The following TNFSF14 variants were observed in gnomAD, a reference collection of about 807,000 sequenced individuals.
TNFSF14 encodes tumor necrosis factor ligand superfamily member 14.
In TNFSF14, 15 loss-of-function variants were observed where a neutral mutation model predicts 22.7. The observed-to-expected ratio is 0.66, with a 90% CI of 0.44 to 1.02. TNFSF14 has a LOEUF of 1.02. Among genes scored for constraint, TNFSF14 ranks in the 50% least tolerant of loss-of-function variants. The pLI is 0.00. For missense variants in TNFSF14, 287 were observed against 326.2 expected, an observed-to-expected ratio of 0.88 and a Z score of 0.93; for synonymous variants, 133 against 139.6, an observed-to-expected ratio of 0.95 and a Z score of 0.33.
intron 1 of TNFSF14, 91 bp from the exon 2 acceptor site, chr19:6,667,540 T>C (rs1257625298): frequency 7.1e-7 from 1 of 1,416,778 alleles, no homozygotes; most frequent in Non-Finnish European, 9.4e-7. Flanking sequence ...ATGAGGACCA[T>C]AGCCACCGAC....
At chr19:6,669,610 G>C (rs1917535301) in intron 1 of TNFSF14, among the ~76,000 whole-genome samples, 1 of 152,106 alleles carries the variant, frequency 6.6e-6, no homozygotes, top group Admixed American at 6.5e-5. Flanking sequence ...AGCATACTTC[G>C]TCCCCTATGA....
At chr19:6,668,853 G>A (rs897441812) in intron 1 of TNFSF14, among the ~76,000 whole-genome samples, 2 of 152,260 alleles carry the variant, frequency 1.3e-5, no homozygotes, top group African/African-American at 4.8e-5. Context: ...CATGTGGTTT[G>A]TGGTTTATGG....
Position 6,665,184 on chromosome 19 carries a change from C to A in TNFSF14, c.465G>T (p.Pro155=), listed in dbSNP as rs138891759. ...GGGTGATGGTGCTGGCCAGGCCCAG[C>A]GGGCAGCCCACACCGCCCAGCTGCA... ...SKVQLGGVGC[P]LGLASTITHG... The change falls in exon 4 of 4, where the codon CCG becomes CCT. Residue 155 remains proline, a synonymous_variant. Coordinates refer to ENST00000675206, the MANE Select transcript of TNFSF14 (RefSeq NM_001376887.1). 6.2e-7 allele frequency: 1 copy of A among 1,614,000 alleles called. No homozygotes were observed. Among genetic ancestry groups the A allele is most frequent in the African/African-American group, 1.3e-5 (1 of 74,940 alleles).
intron 1 of TNFSF14, among the ~76,000 whole-genome samples, chr19:6,669,356 G>T (rs1385537024): frequency 6.6e-6 from 1 of 152,110 alleles, no homozygotes; most frequent in Non-Finnish European, 1.5e-5. Context: ...GGTGGCGCAT[G>T]CCTGTAATCC....
rs1917258251 is a variant in TNFSF14 at position 6,662,010 on chromosome 19, C to G, written c.*2916G>C. ...GGAATTTCCCACTTGTGGCATCACA[C>G]TGGGGCTCAAAGAGTTTCAGATTTT... On this transcript the variant is annotated 3_prime_UTR_variant, in exon 4 of 4. Coordinates refer to ENST00000675206, the MANE Select transcript of TNFSF14 (RefSeq NM_001376887.1). The G allele has an allele frequency of 6.6e-6, 1 of 152,222 alleles. No homozygotes were observed. The highest frequency in any genetic ancestry group is 6.6e-5 in the Admixed American group (1 of 15,250). 9.4% of individuals were successfully genotyped at this position (152,222 alleles called of 1,614,324 possible).
chr19:6,667,176 T>G, intron 2 of TNFSF14, 22 bp from the exon 3 acceptor site: 2 of 1,569,862 alleles, frequency 1.3e-6, no homozygotes, highest in Non-Finnish European at 1.7e-6. Context: ...GGGTCAGAGG[T>G]TAGAGACGAA....
intron 3 of TNFSF14, among the ~76,000 whole-genome samples, chr19:6,666,196 C>T (rs1917420996): frequency 6.6e-6 from 1 of 151,638 alleles, no homozygotes; most frequent in South Asian, 2.1e-4. Flanking sequence ...AGTTTGAGTC[C>T]AGGAGTTCCA....
chr19:6,670,243 C>T (rs1207846242), upstream of TNFSF14: 8 of 1,435,560 alleles, frequency 5.6e-6, no homozygotes, highest in African/African-American at 1.4e-5. Context: ...TCTTCCGGTA[C>T]CCGCCGCCCC....
In TNFSF14 at chr19:6,662,267, G is replaced by A. The variant is rs951877622; in HGVS notation, c.*2659C>T. Reference sequence around the variant, plus strand: ...GCTGGTCTGGAGCTCCTGACCTCAGGTTATCCGTCCACTTTGACCTCCCAA... The same window carrying A: ...GCTGGTCTGGAGCTCCTGACCTCAGATTATCCGTCCACTTTGACCTCCCAA... On this transcript the variant is annotated 3_prime_UTR_variant, in exon 4 of 4. Transcript: ENST00000675206. The A allele has an allele frequency of 6.6e-6, 1 of 152,188 alleles. No homozygotes were observed. The highest frequency in any genetic ancestry group is 2.4e-5 in the African/African-American group (1 of 41,426). 9.4% of individuals were successfully genotyped at this position (152,188 alleles called of 1,614,324 possible).
At position 6,665,215 on chromosome 19, in the gene TNFSF14, G is replaced by T; in HGVS notation, c.434C>A (p.Ser145Tyr). The T allele has an allele frequency of 1.2e-6, 2 of 1,614,106 alleles. No individual in the cohort carries two copies. Among genetic ancestry groups the T allele is most frequent in the Non-Finnish European group, 1.7e-6 (2 of 1,180,014 alleles). The stretch of plus-strand genomic sequence containing the variant: ...GCCCACACCGCCCAGCTGCACCTTG[G>T]AGTAGATGTAGTAGTAGCCAGCTTT... ...VTKAGYYYIY[S>Y]KVQLGGVGCP... Residue 145 changes from serine (S) to tyrosine (Y), a missense_variant, in exon 4 of 4, where the codon TCC (serine) becomes TAC (tyrosine). Ser to Tyr is a moderately radical substitution (Grantham distance 144). Coordinates refer to ENST00000675206, the MANE Select transcript of TNFSF14 (RefSeq NM_001376887.1).
upstream of TNFSF14, chr19:6,670,423 C>T (rs1424199467): frequency 1.8e-5 from 7 of 395,832 alleles, no homozygotes; most frequent in East Asian, 7.1e-5. Flanking sequence ...CTGCCCATGC[C>T]AGGCTCTGCT....
At chr19:6,665,704 C>T (rs1043342963) in intron 3 of TNFSF14, among the ~76,000 whole-genome samples, 7 of 152,124 alleles carry the variant, frequency 4.6e-5, no homozygotes, top group African/African-American at 1.4e-4. Context: ...CCACCACGCC[C>T]GGCCTCACAT....
In TNFSF14 at chr19:6,664,134, G is replaced by C. The variant is rs1350105292; in HGVS notation, c.*792C>G. 6.6e-6 allele frequency: 1 copy of C among 152,144 alleles called. No individual in the cohort carries two copies. Among genetic ancestry groups the C allele is most frequent in the Non-Finnish European group, 1.5e-5 (1 of 68,074 alleles). 9.4% of individuals were successfully genotyped at this position (152,144 alleles called of 1,614,324 possible). A position where few individuals can be genotyped will look rare whatever the true frequency, so the allele number is the denominator to read the frequency against. On this transcript the variant is annotated 3_prime_UTR_variant, in exon 4 of 4. Coordinates refer to ENST00000675206, the MANE Select transcript of TNFSF14 (RefSeq NM_001376887.1). The surrounding 1 kb of genome is among the most constrained non-coding windows in gnomAD (Gnocchi z 4.7). ...GGGTGGGATCTGAGTATGTGGGGTG[G>C]GGCTGGGCTCTTCATGATGAGTCCC...
At chr19:6,666,883 G>C (rs1342497188) in intron 3 of TNFSF14, among the ~76,000 whole-genome samples, 1 of 151,262 alleles carries the variant, frequency 6.6e-6, no homozygotes, top group Non-Finnish European at 1.5e-5. Context: ...GGGCAACAGA[G>C]TGAGACTGTC....
rs1917547367 is a variant in TNFSF14 at position 6,669,837 on chromosome 19, C to G, written c.219+14G>C. ...CTCACCTCCACCTGCTCTCAGCCCC[C>G]CGGTCCCACTCACAGGCAGGCGGGT... On this transcript the variant is annotated intron_variant, in intron 1 of 3. Coordinates refer to ENST00000675206, the MANE Select transcript of TNFSF14 (RefSeq NM_001376887.1). 1 of 1,610,128 alleles carries G rather than the reference C, an allele frequency of 6.2e-7. No homozygotes were observed.
intron 2 of TNFSF14, 107 bp downstream of exon 2, chr19:6,667,306 G>T (rs1288291020): frequency 6.9e-7 from 1 of 1,452,872 alleles, no homozygotes; most frequent in Non-Finnish European, 9.1e-7. Context: ...AGGGGCACCT[G>T]TGAGGATTTG....
At position 6,664,632 on chromosome 19, in the gene TNFSF14, G is replaced by GCATCATTAAAAAA; in HGVS notation, c.*293_*294insTTTTTTAATGATG. The GCATCATTAAAAAA allele has an allele frequency of 4.4e-6, 1 of 228,162 alleles. No individual in the cohort carries two copies. Among genetic ancestry groups the GCATCATTAAAAAA allele is most frequent in the Non-Finnish European group, 8.6e-6 (1 of 116,068 alleles). 14.1% of individuals were successfully genotyped at this position (228,162 alleles called of 1,614,324 possible). On this transcript the variant is annotated 3_prime_UTR_variant, in exon 4 of 4. Coordinates refer to ENST00000675206, the MANE Select transcript of TNFSF14 (RefSeq NM_001376887.1). The surrounding 1 kb of genome is among the most constrained non-coding windows in gnomAD (Gnocchi z 4.7). Reference sequence around the variant, plus strand: ...CGGCTCACTGCAACCTCCGCCTCCCGGGTTTAAGCAAAATTATCCTGCCTC... The same window carrying GCATCATTAAAAAA: ...CGGCTCACTGCAACCTCCGCCTCCCGCATCATTAAAAAAGGTTTAAGCAAAATTATCCTGCCTC...
rs996232533 is a variant in TNFSF14 at position 6,662,884 on chromosome 19, G to A, written c.*2042C>T. The A allele has an allele frequency of 6.6e-6, 1 of 152,208 alleles. No homozygotes were observed. Among genetic ancestry groups the A allele is most frequent in the Non-Finnish European group, 1.5e-5 (1 of 68,042 alleles). 9.4% of individuals were successfully genotyped at this position (152,208 alleles called of 1,614,324 possible). ...TTCCTCAGGAATTGTGGATTGGAGA[G>A]GAAGCCAGATCCAGACGTGAGGTCT... On this transcript the variant is annotated 3_prime_UTR_variant, in exon 4 of 4. Transcript: ENST00000675206.
chr19:6,663,524 T>A lies in TNFSF14; in HGVS notation c.*1402A>T, dbSNP rs1917310701. ...GTGTGTGTATGTGTGTAACCAGGTCTGACTATAACTTGGTCTGTCTGTGTC... is the reference window on the plus strand; with the variant it reads ...GTGTGTGTATGTGTGTAACCAGGTCAGACTATAACTTGGTCTGTCTGTGTC... On this transcript the variant is annotated 3_prime_UTR_variant, in exon 4 of 4. Transcript: ENST00000675206. 6.6e-6 allele frequency: 1 copy of A among 152,662 alleles called. No individual in the cohort carries two copies. The highest frequency in any genetic ancestry group is 1.5e-5 in the Non-Finnish European group (1 of 68,080). 9.5% of individuals were successfully genotyped at this position (152,662 alleles called of 1,614,324 possible). A position where few individuals can be genotyped will look rare whatever the true frequency, so the allele number is the denominator to read the frequency against.
Sources: gnomAD v4.1 joint callset for allele counts (sites outside exome capture counted in the v4.1 genomes callset) on GRCh38, gnomAD v4.1.1 for gene constraint, Gnocchi (gnomAD v3.1) non-coding constraint, MANE v1.5 for transcripts, NCBI Gene and HGNC (gene_info 2026-07-23, HGNC 2026-07-21) for gene names.